DSCAM: variants seen among roughly 807,000 people sequenced by gnomAD.
DSCAM encodes DS cell adhesion molecule.
Under a neutral mutation model 217.7 loss-of-function variants are expected in DSCAM, and 47 were observed. That is an observed-to-expected ratio of 0.22 (90% CI 0.17 to 0.28). DSCAM has a LOEUF of 0.28. DSCAM is among the 10% of genes least tolerant of loss of function. DSCAM has a pLI of 1.00. For missense variants in DSCAM, 2,080 were observed against 2,618.3 expected (o/e 0.79, Z 4.49); for synonymous variants, 1,056 against 1,015.3 (o/e 1.04, Z -0.76).
rs1487054593 is a variant in DSCAM at position 40,214,990 on chromosome 21, C to T, written c.2357-25752G>A. 9.4e-5 allele frequency among the ~76,000 whole-genome samples: 3 copies of T among 32,078 alleles called. 1 individual carries two copies. Among genetic ancestry groups the T allele is most frequent in the Non-Finnish European group, 2.3e-4 (3 of 12,890 alleles). The allele number at this position is 32,078 out of a possible 152,430, so 21.0% of individuals were successfully genotyped here. Reference sequence around the variant, plus strand: ...ATCCCAGCACTTTGGGAGGCCGAGGCGGGTGGATCACGAGGTCAGGAGATC... The same window carrying T: ...ATCCCAGCACTTTGGGAGGCCGAGGTGGGTGGATCACGAGGTCAGGAGATC... On this transcript the variant is annotated intron_variant, in intron 11 of 32. Transcript: ENST00000400454.
intron 10 of DSCAM, among the ~76,000 whole-genome samples, chr21:40,293,551 T>A (rs2073919687): frequency 6.6e-6 from 1 of 152,154 alleles, no homozygotes; most frequent in South Asian, 2.1e-4. Context: ...ACTAAAGTAA[T>A]TAGATAAACG....
At chr21:40,585,424 A>T (rs1268565514) in intron 3 of DSCAM, among the ~76,000 whole-genome samples, 1 of 100,476 alleles carries the variant, frequency 1.0e-5, no homozygotes, top group African/African-American at 3.1e-5. Context: ...CGTCTCAAAA[A>T]AAAAAAAAAA....
chr21:40,278,639 G>A (rs2123389834), intron 10 of DSCAM, among the ~76,000 whole-genome samples: 1 of 152,158 alleles, frequency 6.6e-6, no homozygotes, highest in South Asian at 2.1e-4. Context: ...TGCTCTGGGA[G>A]GCTGAGGTGG....
intron 15 of DSCAM, among the ~76,000 whole-genome samples, chr21:40,172,228 C>A (rs543581555): frequency 7.2e-5 from 11 of 152,350 alleles, no homozygotes; most frequent in Admixed American, 1.3e-4. Flanking sequence ...GAGATTGTGC[C>A]ATTGCACTCC....
At chr21:40,085,529 G>A in intron 23 of DSCAM, 73 bp downstream of exon 23, 1 of 1,294,430 alleles carries the variant, frequency 7.7e-7, no homozygotes, top group Non-Finnish European at 1.0e-6. Flanking sequence ...TTTAAAATTT[G>A]TTCAGTGCTA....
chr21:40,649,594 G>A (rs556058010), intron 3 of DSCAM, among the ~76,000 whole-genome samples: 5 of 152,138 alleles, frequency 3.3e-5, no homozygotes, highest in African/African-American at 7.2e-5. Flanking sequence ...CAATGCCCTG[G>A]CAATGAGAAC....
intron 11 of DSCAM, among the ~76,000 whole-genome samples, chr21:40,256,404 CAGAG>C (rs148333628): frequency 2.0e-5 from 3 of 147,710 alleles, no homozygotes; most frequent in Admixed American, 6.8e-5. Context: ...GAGAGACAGA[CAGAG>C]AGAGAGAGAG....
intron 32 of DSCAM, among the ~76,000 whole-genome samples, chr21:40,036,015 A>G (rs970521587): frequency 1.5e-5 from 2 of 135,832 alleles, no homozygotes; most frequent in South Asian, 2.3e-4. Context: ...CATTCAAAGC[A>G]GTGTATAGAG....
chr21:40,454,653 T>C (rs2075748775), intron 3 of DSCAM, among the ~76,000 whole-genome samples: 1 of 152,174 alleles, frequency 6.6e-6, no homozygotes, highest in African/African-American at 2.4e-5. Context: ...CAAATCACCT[T>C]CCCAAATCAA....
At chr21:40,434,213 A>C (rs574891989) in intron 3 of DSCAM, among the ~76,000 whole-genome samples, 2 of 152,292 alleles carry the variant, frequency 1.3e-5, no homozygotes, top group African/African-American at 4.8e-5. Flanking sequence ...ATGCCACACA[A>C]AGTCCACCAG....
intron 3 of DSCAM, among the ~76,000 whole-genome samples, chr21:40,512,979 A>C (rs1158530109): frequency 6.6e-6 from 1 of 152,138 alleles, no homozygotes; most frequent in Non-Finnish European, 1.5e-5. Context: ...TGCTCACCGC[A>C]ACCTCCGCCT....
At chr21:40,669,798 C>T (rs976350393) in intron 3 of DSCAM, among the ~76,000 whole-genome samples, 2 of 152,090 alleles carry the variant, frequency 1.3e-5, no homozygotes, top group East Asian at 1.9e-4. Flanking sequence ...GGGCTCATCT[C>T]GAACTCAGGT....
intron 3 of DSCAM, among the ~76,000 whole-genome samples, chr21:40,623,547 A>G (rs1372852461): frequency 1.3e-5 from 2 of 152,230 alleles, no homozygotes; most frequent in Non-Finnish European, 1.5e-5. Flanking sequence ...CATCTTTTGC[A>G]ACAGAAAGGT....
At chr21:40,238,795 G>A (rs1383024350) in intron 11 of DSCAM, among the ~76,000 whole-genome samples, 10 of 152,050 alleles carry the variant, frequency 6.6e-5, no homozygotes. Flanking sequence ...GCAGTACTCG[G>A]GAGGAATTAA....
At chr21:40,279,262 T>C (rs778145414) in intron 10 of DSCAM, among the ~76,000 whole-genome samples, 7 of 152,216 alleles carry the variant, frequency 4.6e-5, no homozygotes, top group Non-Finnish European at 1.0e-4. Flanking sequence ...TCCTTGGAAA[T>C]AAGTTATCAA....
chr21:40,229,002 A>T (rs968653073), intron 11 of DSCAM, among the ~76,000 whole-genome samples: 3 of 152,228 alleles, frequency 2.0e-5, no homozygotes, highest in African/African-American at 7.2e-5. Flanking sequence ...ATCAGGTACC[A>T]CACAGCTCAT....
At chr21:40,659,485 C>G (rs1320101168) in intron 3 of DSCAM, among the ~76,000 whole-genome samples, 1 of 152,070 alleles carries the variant, frequency 6.6e-6, no homozygotes, top group African/African-American at 2.4e-5. Flanking sequence ...ATCCATCTAT[C>G]TACTATTTAT....
chr21:40,303,149 G>A (rs1354116380), intron 9 of DSCAM, among the ~76,000 whole-genome samples: 2 of 152,144 alleles, frequency 1.3e-5, no homozygotes, highest in Admixed American at 6.5e-5. Flanking sequence ...CTTGGCCAAA[G>A]TCTAGGTAAG....
intron 3 of DSCAM, among the ~76,000 whole-genome samples, chr21:40,478,293 T>G (rs1345974013): frequency 2.6e-5 from 4 of 152,310 alleles, no homozygotes; most frequent in Middle Eastern, 3.4e-3. Flanking sequence ...TGAAAAGTGC[T>G]GCCAAGAACA....
Sources: allele counts gnomAD v4.1 joint callset (sites outside exome capture counted in the v4.1 genomes callset), GRCh38; gene constraint gnomAD v4.1.1; transcripts MANE v1.5; gene names NCBI Gene and HGNC (gene_info 2026-07-23, HGNC 2026-07-21).